Variants in PLEKHA5 observed in about 807,000 individuals in gnomAD.
The protein encoded by PLEKHA5 is pleckstrin homology domain-containing family A member 5.
Under a neutral mutation model 181.9 loss-of-function variants are expected in PLEKHA5, and 55 were observed. The observed-to-expected ratio is 0.30, with a 90% CI of 0.24 to 0.38. The LOEUF is 0.38. Ranked by LOEUF, PLEKHA5 falls within the 10% of genes least tolerant of loss-of-function variation. The pLI, the probability that PLEKHA5 is intolerant of heterozygous loss-of-function variation, is 1.00. For synonymous variants in PLEKHA5, 535 were observed against 529.4 expected, an observed-to-expected ratio of 1.01 and a Z score of -0.15; for missense variants, 1,432 against 1,549.5, an observed-to-expected ratio of 0.92 and a Z score of 1.27.
chr12:19,186,622 C>T (rs1323520222), intron 3 of PLEKHA5, among the ~76,000 whole-genome samples: 1 of 151,992 alleles, frequency 6.6e-6, no homozygotes, highest in Non-Finnish European at 1.5e-5. Context: ...AAATTGAGTC[C>T]AGTCTACATT....
chr12:19,277,142 G>A (rs1457632076), intron 11 of PLEKHA5, among the ~76,000 whole-genome samples: 1 of 149,438 alleles, frequency 6.7e-6, no homozygotes, highest in Non-Finnish European at 1.5e-5. Context: ...AAAGAAGCAG[G>A]AAGCAGGTCT....
intron 3 of PLEKHA5, among the ~76,000 whole-genome samples, chr12:19,163,322 G>T (rs183787212): frequency 1.4e-3 from 208 of 152,146 alleles, no homozygotes; most frequent in African/African-American, 4.8e-3. Flanking sequence ...GACTACAGGC[G>T]CCAGCCACAA....
In PLEKHA5 at chr12:19,130,140, G is replaced by C; in HGVS notation, c.169+10G>C. The stretch of plus-strand genomic sequence containing the variant: ...CGGCGGCAGAGCACAGGTAACGCCG[G>C]GCCCAAACGGAGTTGGGCTCCGCCT... On this transcript the variant is annotated intron_variant, in intron 2 of 31. Transcript: ENST00000429027. This position sits in a 1 kb window ranked among gnomAD's most constrained non-coding sequence, Gnocchi z 4.5. 1 of 1,543,226 alleles carries C rather than the reference G, an allele frequency of 6.5e-7. No homozygotes were observed. The highest frequency in any genetic ancestry group is 8.7e-7 in the Non-Finnish European group (1 of 1,143,616).
At chr12:19,341,226 A>G (rs1414676106) in intron 21 of PLEKHA5, among the ~76,000 whole-genome samples, 1 of 152,186 alleles carries the variant, frequency 6.6e-6, no homozygotes, top group African/African-American at 2.4e-5. Context: ...ACAGTGAGCC[A>G]AGATCACATC....
chr12:19,154,371 GTTCT>G (rs1200285422), intron 3 of PLEKHA5: 3 of 151,620 alleles, frequency 2.0e-5, no homozygotes, highest in Non-Finnish European at 4.4e-5. Flanking sequence ...ACCTTATTTT[GTTCT>G]TTCTTCTCTT....
intron 12 of PLEKHA5, among the ~76,000 whole-genome samples, chr12:19,286,254 A>C (rs1188201593): frequency 2.0e-5 from 3 of 152,194 alleles, no homozygotes; most frequent in Non-Finnish European, 4.4e-5. Flanking sequence ...CCAGTGTTTG[A>C]TGTCACAAGA....
At chr12:19,372,390 T>G (rs1441719059) in intron 31 of PLEKHA5, 1 of 146,130 alleles carries the variant, frequency 6.8e-6, no homozygotes, top group Non-Finnish European at 1.5e-5. Flanking sequence ...TTGATGGGAT[T>G]ATTTGTTTTT....
chr12:19,230,038 G>C (rs1028060489), intron 3 of PLEKHA5, among the ~76,000 whole-genome samples: 3 of 152,030 alleles, frequency 2.0e-5, no homozygotes, highest in Non-Finnish European at 2.9e-5. Flanking sequence ...GTCCGCACCA[G>C]ATTAGCTAGA....
chr12:19,358,127 T>C, intron 26 of PLEKHA5, 101 bp from the exon 27 acceptor site: 1 of 804,786 alleles, frequency 1.2e-6, no homozygotes, highest in African/African-American at 1.7e-5. Context: ...CTTGTGATTT[T>C]GAAAACAAAA....
At chr12:19,258,561 C>CTTTTTTTTTTTTTTTT (rs71440398) in intron 6 of PLEKHA5, among the ~76,000 whole-genome samples, 1 of 123,798 alleles carries the variant, frequency 8.1e-6, no homozygotes, top group Non-Finnish European at 1.6e-5. Flanking sequence ...TTTTCTTTTT[C>CTTTTTTTTTTTTTTTT]TTTTTTTTTT....
At position 19,306,911 on chromosome 12, in the gene PLEKHA5, C is replaced by T. The variant is rs1231527194; in HGVS notation, c.2038-7903C>T. On this transcript the variant is annotated intron_variant, in intron 15 of 31. Transcript: ENST00000429027. ...TAAGGCTTGTCTCTGTTGGCACCAG[C>T]TAATGCAATGGCAGGTCTTCTGCTT... The T allele has an allele frequency of 7.2e-6, 6 of 831,038 alleles. No individual in the cohort carries two copies. In the South Asian group the frequency reaches 9.0e-5, roughly 12 times the overall value. 51.5% of individuals were successfully genotyped at this position (831,038 alleles called of 1,614,324 possible). A position where few individuals can be genotyped will look rare whatever the true frequency, so the allele number is the denominator to read the frequency against.
rs1411818398 is a variant in PLEKHA5, at chr12:19,255,106, G to A, written c.373G>A (p.Ala125Thr). 6.2e-7 allele frequency: 1 copy of A among 1,609,844 alleles called. No individual in the cohort carries two copies. Reference sequence around the variant, plus strand: ...ACGGCCAATAAGTATGATAAATGAAGCTTCTAACTATAACGTGACTTCAGA... The same window carrying A: ...ACGGCCAATAAGTATGATAAATGAAACTTCTAACTATAACGTGACTTCAGA... The part of the protein sequence containing the change: ...KERPISMINE[A>T]SNYNVTSDYA... Residue 125 changes from alanine (A) to threonine (T), a missense_variant, in exon 5 of 32, where the codon GCT becomes ACT. This residue lies in a region of PLEKHA5 where 289 missense variants were observed against 381.1 expected (regional missense o/e 0.76). Transcript: ENST00000429027.
intron 3 of PLEKHA5, among the ~76,000 whole-genome samples, chr12:19,138,077 G>C (rs1451109243): frequency 6.6e-6 from 1 of 152,126 alleles, no homozygotes; most frequent in Non-Finnish European, 1.5e-5. Context: ...AAAAAGTATT[G>C]GAAGAGTTGA....
At chr12:19,279,951 C>T (rs1045132349) in intron 11 of PLEKHA5, among the ~76,000 whole-genome samples, 2 of 151,282 alleles carry the variant, frequency 1.3e-5, no homozygotes, top group African/African-American at 4.9e-5. Flanking sequence ...AATTTTACTG[C>T]CCCAATAGAC....
chr12:19,284,822 C>G (rs1272451417), intron 12 of PLEKHA5, among the ~76,000 whole-genome samples: 1 of 152,094 alleles, frequency 6.6e-6, no homozygotes, highest in South Asian at 2.1e-4. Context: ...ATTCCCAACA[C>G]TTTGGGGAGC....
intron 29 of PLEKHA5, among the ~76,000 whole-genome samples, chr12:19,363,016 G>C (rs1295322244): frequency 6.6e-6 from 1 of 151,888 alleles, no homozygotes; most frequent in Non-Finnish European, 1.5e-5. Context: ...CCTGAAATCA[G>C]TCTTCCCAGG....
chr12:19,168,594 A>G (rs2045130926), intron 3 of PLEKHA5, among the ~76,000 whole-genome samples: 1 of 152,178 alleles, frequency 6.6e-6, no homozygotes, highest in South Asian at 2.1e-4. Context: ...TTCACTTAAA[A>G]TTCTGCACCT....
At chr12:19,354,610 A>C (rs1299392636) in intron 26 of PLEKHA5, among the ~76,000 whole-genome samples, 2 of 149,038 alleles carry the variant, frequency 1.3e-5, no homozygotes, top group Non-Finnish European at 1.5e-5. Flanking sequence ...CCTCCCAAGT[A>C]GCTGGGACTA....
intron 3 of PLEKHA5, among the ~76,000 whole-genome samples, chr12:19,182,139 A>G (rs532056301): frequency 6.6e-6 from 1 of 152,206 alleles, no homozygotes; most frequent in Non-Finnish European, 1.5e-5. Flanking sequence ...TTATATACCA[A>G]TTAAAGCCCA....
Sources: gnomAD v4.1 joint callset for allele counts (sites outside exome capture counted in the v4.1 genomes callset) on GRCh38, gnomAD v4.1.1 for gene constraint, gnomAD v4.1.1 regional missense constraint, Gnocchi (gnomAD v3.1) non-coding constraint, MANE v1.5 for transcripts, NCBI Gene and HGNC (gene_info 2026-07-23, HGNC 2026-07-21) for gene names.